NTF3: variants seen among roughly 807,000 people sequenced by gnomAD.
The protein encoded by NTF3 is neurotrophin 3, also known as neurotrophin-3.
In NTF3, 8 loss-of-function variants were observed where a neutral mutation model predicts 26.3. The observed-to-expected ratio is 0.30, with a 90% CI of 0.18 to 0.55. The LOEUF (loss-of-function observed/expected upper bound fraction) is 0.55. Ranked by LOEUF, NTF3 falls within the 20% of genes least tolerant of loss-of-function variation. The pLI, the probability that NTF3 is intolerant of heterozygous loss-of-function variation, is 0.93. For missense variants in NTF3, 276 were observed against 352.9 expected, an observed-to-expected ratio of 0.78 and a Z score of 1.75; for synonymous variants, 154 against 145.5, an observed-to-expected ratio of 1.06 and a Z score of -0.42.
intron 1 of NTF3, among the ~76,000 whole-genome samples, chr12:5,466,104 T>C (rs1940585858): frequency 6.6e-6 from 1 of 152,156 alleles, no homozygotes; most frequent in Admixed American, 6.5e-5. Flanking sequence ...AAAAGGAACC[T>C]GGAAGGGACG....
chr12:5,488,347 C>T (rs529315796), intron 1 of NTF3, among the ~76,000 whole-genome samples: 2 of 152,306 alleles, frequency 1.3e-5, no homozygotes, highest in East Asian at 1.9e-4. Context: ...TCCCTTTGAG[C>T]GTCATCTGTG....
intron 1 of NTF3, among the ~76,000 whole-genome samples, chr12:5,455,232 T>C (rs1940423569): frequency 6.6e-6 from 1 of 152,220 alleles, no homozygotes; most frequent in South Asian, 2.1e-4. Context: ...TCCCAGCTCC[T>C]GTCTCTCTGC....
At chr12:5,443,114 G>A (rs112695857) in intron 1 of NTF3, among the ~76,000 whole-genome samples, 3 of 152,140 alleles carry the variant, frequency 2.0e-5, no homozygotes, top group African/African-American at 7.2e-5. Flanking sequence ...TAAGAGCTGC[G>A]CGATGTTGTG....
intron 1 of NTF3, among the ~76,000 whole-genome samples, chr12:5,490,188 C>T (rs1327243118): frequency 1.3e-5 from 2 of 152,254 alleles, no homozygotes; most frequent in East Asian, 3.9e-4. Context: ...GAAAAGAAGG[C>T]AGAGTTGATT....
In NTF3 at chr12:5,494,107, G is replaced by T; in HGVS notation, c.19-87G>T. On this transcript the variant is annotated intron_variant, in intron 1 of 1. Coordinates refer to ENST00000423158, the MANE Select transcript of NTF3 (RefSeq NM_001102654.2). This position sits in a 1 kb window ranked among gnomAD's most constrained non-coding sequence, Gnocchi z 8.3. Reference sequence around the variant, plus strand: ...CGGTACCCTCTCTCGTGCCCTCACAGGGCTACTCAGCCTCAGGTAGCTGGT... The same window carrying T: ...CGGTACCCTCTCTCGTGCCCTCACATGGCTACTCAGCCTCAGGTAGCTGGT... 3 of 1,334,874 alleles carry T rather than the reference G, an allele frequency of 2.2e-6. No individual in the cohort carries two copies. Among genetic ancestry groups the T allele is most frequent in the Non-Finnish European group, 3.1e-6 (3 of 959,932 alleles). The allele number at this position is 1,334,874 out of a possible 1,614,324, so 82.7% of individuals were successfully genotyped here.
chr12:5,440,820 C>T (rs1940227446), intron 1 of NTF3, among the ~76,000 whole-genome samples: 1 of 152,238 alleles, frequency 6.6e-6, no homozygotes, highest in Non-Finnish European at 1.5e-5. Flanking sequence ...GCTGCTCCCT[C>T]GGCCCCACAC....
chr12:5,453,887 C>T (rs1262984206), intron 1 of NTF3, among the ~76,000 whole-genome samples: 1 of 152,212 alleles, frequency 6.6e-6, no homozygotes. Context: ...TCCAGGAGCT[C>T]TTTTGATCCA....
At chr12:5,442,879 C>T (rs936063814) in intron 1 of NTF3, among the ~76,000 whole-genome samples, 1 of 152,178 alleles carries the variant, frequency 6.6e-6, no homozygotes, top group African/African-American at 2.4e-5. Flanking sequence ...CAAAGCAAGG[C>T]CTTACCTTCA....
rs539903478 is a variant in NTF3 at position 5,444,184 on chromosome 12, T to C, written c.18+11842T>C. ...TGCTCGACAGAGGCACAGTCAAGGA[T>C]AGAACCATTAGAGACGGTCAGCTTT... is the stretch of plus-strand genomic sequence containing the variant. On this transcript the variant is annotated intron_variant, in intron 1 of 1. Transcript: ENST00000423158. Among the ~76,000 whole-genome samples the C allele has an allele frequency of 1.4e-3, 216 of 152,322 alleles. 1 individual carries two copies. Among genetic ancestry groups the C allele is most frequent in the Non-Finnish European group, 1.9e-3 (130 of 68,034 alleles).
At chr12:5,464,513 T>G (rs1434181435) in intron 1 of NTF3, among the ~76,000 whole-genome samples, 1 of 152,206 alleles carries the variant, frequency 6.6e-6, no homozygotes, top group African/African-American at 2.4e-5. Flanking sequence ...ACTTTTGACT[T>G]ACAGTGTTTT....
At chr12:5,490,005 C>T (rs1261729752) in intron 1 of NTF3, among the ~76,000 whole-genome samples, 3 of 152,140 alleles carry the variant, frequency 2.0e-5, no homozygotes, top group African/African-American at 7.2e-5. Context: ...TGAGGAAAAT[C>T]GCACATGCAC....
intron 1 of NTF3, among the ~76,000 whole-genome samples, chr12:5,482,179 C>T (rs1440546597): frequency 4.0e-5 from 6 of 151,868 alleles, no homozygotes; most frequent in African/African-American, 1.4e-4. Flanking sequence ...CGAGCGCGCA[C>T]ACACACACAC....
chr12:5,448,492 G>C (rs1051400634), intron 1 of NTF3, among the ~76,000 whole-genome samples: 1 of 152,138 alleles, frequency 6.6e-6, no homozygotes, highest in African/African-American at 2.4e-5. Context: ...CTCGTGTCCT[G>C]AATATTTACC....
rs1940923866 is a variant in NTF3, at chr12:5,490,598, G to C, written c.19-3596G>C. 2.0e-5 allele frequency among the ~76,000 whole-genome samples: 3 copies of C among 152,222 alleles called. 1 individual carries two copies. Among genetic ancestry groups the C allele is most frequent in the African/African-American group, 7.2e-5 (3 of 41,464 alleles). ...CTGGGGGACTCCCACCCCGGACATG[G>C]AGTGAGAAATGAAGGTATTGGTGGC... On this transcript the variant is annotated intron_variant, in intron 1 of 1. Transcript: ENST00000423158.
chr12:5,434,451 G>A (rs901607189), intron 1 of NTF3, among the ~76,000 whole-genome samples: 2 of 150,202 alleles, frequency 1.3e-5, no homozygotes, highest in East Asian at 1.9e-4. Flanking sequence ...TGGTCAGGGA[G>A]GGATGGGGAT....
intron 1 of NTF3, among the ~76,000 whole-genome samples, chr12:5,441,105 AAC>A (rs1220381135): frequency 6.6e-6 from 1 of 152,174 alleles, no homozygotes; most frequent in Non-Finnish European, 1.5e-5. Context: ...AGAGATCCCA[AAC>A]TCTGCAGAGA....
At chr12:5,480,647 A>G (rs1431709380) in intron 1 of NTF3, among the ~76,000 whole-genome samples, 1 of 152,124 alleles carries the variant, frequency 6.6e-6, no homozygotes, top group Non-Finnish European at 1.5e-5. Flanking sequence ...AGAGGGCTAC[A>G]GAAGGGGTTG....
intron 1 of NTF3, among the ~76,000 whole-genome samples, chr12:5,445,475 T>C (rs1352980356): frequency 6.6e-6 from 1 of 152,158 alleles, no homozygotes; most frequent in Non-Finnish European, 1.5e-5. Flanking sequence ...GAGACCCAGA[T>C]GGACAGCCGG....
At chr12:5,476,933 C>G (rs750402983) in intron 1 of NTF3, among the ~76,000 whole-genome samples, 7 of 152,086 alleles carry the variant, frequency 4.6e-5, no homozygotes, top group Admixed American at 1.3e-4. Context: ...CACAAATATT[C>G]CATAATAATA....
Sources: gnomAD v4.1 joint callset for allele counts (sites outside exome capture counted in the v4.1 genomes callset) on GRCh38, gnomAD v4.1.1 for gene constraint, Gnocchi (gnomAD v3.1) non-coding constraint, MANE v1.5 for transcripts, NCBI Gene and HGNC (gene_info 2026-07-23, HGNC 2026-07-21) for gene names.